CARMIL1: variants seen among roughly 807,000 people sequenced by gnomAD.
CARMIL1 encodes the protein F-actin-uncapping protein LRRC16A.
CARMIL1 carries 90 observed loss-of-function variants against 177.1 expected under a neutral mutation model. The ratio of observed to expected loss-of-function variants is 0.51; its 90% CI spans 0.43 to 0.61. CARMIL1 has a LOEUF of 0.61. Among genes scored for constraint, CARMIL1 ranks in the 20% least tolerant of loss-of-function variants. The pLI is 0.00. For missense variants in CARMIL1, 1,380 were observed against 1,667.0 expected (o/e 0.83, Z 3.00); for synonymous variants, 577 against 606.2 (o/e 0.95, Z 0.71).
chr6:25,587,037 A>AAGGGAG (rs1184224948), intron 31 of CARMIL1, among the ~76,000 whole-genome samples: 2 of 122,084 alleles, frequency 1.6e-5, no homozygotes, highest in Non-Finnish European at 3.4e-5. Flanking sequence ...AGACTGGGGA[A>AAGGGAG]AGGGAGAGGG....
rs1224333831 is a variant in CARMIL1, at chr6:25,420,182, C to A, written c.189+18C>A. The A allele has an allele frequency of 6.2e-7, 1 of 1,612,410 alleles. No homozygotes were observed. Among genetic ancestry groups the A allele is most frequent in the Non-Finnish European group, 8.5e-7 (1 of 1,178,524 alleles). The stretch of plus-strand genomic sequence containing the variant: ...CCACCAAGGTAAGTGTTGATGAAGT[C>A]CTTCCTTCTGCACTCACACTCACTC... On this transcript the variant is annotated intron_variant, in intron 3 of 36. Transcript: ENST00000329474.
intron 13 of CARMIL1, among the ~76,000 whole-genome samples, chr6:25,491,439 T>C (rs59694745): frequency 0.023 from 3,511 of 152,272 alleles, 102 homozygotes; most frequent in African/African-American, 0.071. Context: ...GGTTCCAAAA[T>C]TGTATAATAA....
intron 2 of CARMIL1, among the ~76,000 whole-genome samples, chr6:25,403,660 C>T (rs1562092067): frequency 6.6e-6 from 1 of 152,160 alleles, no homozygotes; most frequent in Non-Finnish European, 1.5e-5. Flanking sequence ...CCCAGATAGC[C>T]ATATGGTTCT....
At chr6:25,341,112 AC>A (rs1490351728) in intron 2 of CARMIL1, among the ~76,000 whole-genome samples, 2 of 151,968 alleles carry the variant, frequency 1.3e-5, no homozygotes, top group Non-Finnish European at 2.9e-5. Context: ...TCTCATGATA[AC>A]CTTATGAAGT....
chr6:25,508,638 CAT>C (rs1408994176), intron 17 of CARMIL1, among the ~76,000 whole-genome samples: 1 of 152,192 alleles, frequency 6.6e-6, no homozygotes, highest in Non-Finnish European at 1.5e-5. Flanking sequence ...AAAACCTAGA[CAT>C]GTGGAAAATA....
At chr6:25,606,007 CA>C in intron 34 of CARMIL1, 53 bp from the exon 35 acceptor site, 4 of 1,308,982 alleles carry the variant, frequency 3.1e-6, no homozygotes, top group Non-Finnish European at 4.3e-6. Context: ...CTTCTAGCTT[CA>C]AGTTATTGGC....
intron 23 of CARMIL1, among the ~76,000 whole-genome samples, chr6:25,528,503 G>A (rs930822065): frequency 2.6e-5 from 4 of 152,294 alleles, no homozygotes; most frequent in Non-Finnish European, 5.9e-5. Context: ...GAAAACTCAC[G>A]AAGTGGGGTC....
chr6:25,305,576 A>G (rs976683292), intron 2 of CARMIL1, among the ~76,000 whole-genome samples: 1 of 152,234 alleles, frequency 6.6e-6, no homozygotes, highest in African/African-American at 2.4e-5. Flanking sequence ...TCCTTCTCTA[A>G]TATGGTCTGC....
intron 2 of CARMIL1, among the ~76,000 whole-genome samples, chr6:25,316,664 G>C (rs183886954): frequency 1.3e-5 from 2 of 152,022 alleles, no homozygotes; most frequent in East Asian, 3.9e-4. Flanking sequence ...TGCCTGCCTC[G>C]GCCTCCAAAA....
chr6:25,406,218 T>C (rs1794354512), intron 2 of CARMIL1, among the ~76,000 whole-genome samples: 3 of 152,138 alleles, frequency 2.0e-5, no homozygotes, highest in Admixed American at 2.0e-4. Flanking sequence ...GTCTGGACTT[T>C]CTTAGGGAAG....
At chr6:25,470,791 A>G (rs868688834) in intron 9 of CARMIL1, among the ~76,000 whole-genome samples, 64 of 152,254 alleles carry the variant, frequency 4.2e-4, no homozygotes, top group African/African-American at 1.3e-3. Flanking sequence ...CGAAAGCACT[A>G]ATTCCTTCAT....
At chr6:25,420,386 GTAATGA>G in intron 3 of CARMIL1, 1 of 520,242 alleles carries the variant, frequency 1.9e-6, no homozygotes, top group Non-Finnish European at 3.4e-6. Context: ...CCTAAAGGCT[GTAATGA>G]GAAACATATT....
chr6:25,504,247 G>A (rs1034870206), intron 17 of CARMIL1, among the ~76,000 whole-genome samples: 7 of 152,106 alleles, frequency 4.6e-5, no homozygotes, highest in African/African-American at 1.7e-4. Flanking sequence ...GGAGGAAAGG[G>A]GAAAATAGTC....
chr6:25,404,689 G>A (rs542865386), intron 2 of CARMIL1, among the ~76,000 whole-genome samples: 12 of 151,916 alleles, frequency 7.9e-5, no homozygotes, highest in African/African-American at 2.9e-4. Context: ...CCGGGAGGCA[G>A]AGGTTGCAGC....
chr6:25,447,990 C>T lies in CARMIL1; in HGVS notation c.372-1908C>T, dbSNP rs375448351. Among the ~76,000 whole-genome samples the T allele has an allele frequency of 5.3e-5, 8 of 152,314 alleles. No individual in the cohort carries two copies. In the South Asian group the frequency reaches 1.7e-3, roughly 32 times the overall value. On this transcript the variant is annotated intron_variant, in intron 5 of 36. Coordinates refer to ENST00000329474, the MANE Select transcript of CARMIL1 (RefSeq NM_017640.6). ...CCTGCAGCAAGCCAGCTGCCCACCT[C>T]TCCATATACATTTTGGCTGCTGAGG...
rs76796572 is a variant in CARMIL1, at chr6:25,588,721, C to T, written c.3007-5694C>T. ...TAAGGAAAAATCATTGAAAAATTTGCATAGAGGAGTGGAAAGAACACTGGA... is the reference window on the plus strand; with the variant it reads ...TAAGGAAAAATCATTGAAAAATTTGTATAGAGGAGTGGAAAGAACACTGGA... On this transcript the variant is annotated intron_variant, in intron 31 of 36. Coordinates refer to ENST00000329474, the MANE Select transcript of CARMIL1 (RefSeq NM_017640.6). Among the ~76,000 whole-genome samples the T allele has an allele frequency of 1.8e-3, 267 of 152,296 alleles. 3 individuals are homozygous for T. In the East Asian group the frequency reaches 0.02, roughly 12 times the overall value.
intron 17 of CARMIL1, among the ~76,000 whole-genome samples, chr6:25,508,916 C>A (rs1283539224): frequency 1.3e-5 from 2 of 152,034 alleles, no homozygotes; most frequent in African/African-American, 4.8e-5. Context: ...ATAAAGTATG[C>A]TTTGGTTTCA....
intron 11 of CARMIL1, among the ~76,000 whole-genome samples, chr6:25,480,690 T>C (rs1189726288): frequency 6.7e-6 from 1 of 148,536 alleles, no homozygotes; most frequent in Non-Finnish European, 1.5e-5. Flanking sequence ...AATGTAATCA[T>C]TGAAATATTG....
intron 2 of CARMIL1, among the ~76,000 whole-genome samples, chr6:25,412,758 A>G (rs1795028519): frequency 6.6e-6 from 1 of 152,154 alleles, no homozygotes; most frequent in Non-Finnish European, 1.5e-5. Flanking sequence ...ATAAAACTCT[A>G]TGTGGGGTAG....
Sources: gnomAD v4.1 joint callset for allele counts (sites outside exome capture counted in the v4.1 genomes callset) on GRCh38, gnomAD v4.1.1 for gene constraint, MANE v1.5 for transcripts, NCBI Gene and HGNC (gene_info 2026-07-23, HGNC 2026-07-21) for gene names.